Variants in PHF20 observed in about 807,000 individuals in gnomAD.
PHF20 encodes the protein PHD finger protein 20, also known as glioma-expressed antigen 2.
In PHF20, 23 loss-of-function variants were observed where a neutral mutation model predicts 113.5. The ratio of observed to expected loss-of-function variants is 0.20; its 90% CI spans 0.15 to 0.29. PHF20 has a LOEUF of 0.29. Among genes scored for constraint, PHF20 ranks in the 10% least tolerant of loss-of-function variants. The pLI, the probability that PHF20 is intolerant of heterozygous loss-of-function variation, is 1.00. For missense variants in PHF20, 943 were observed against 1,219.6 expected, an observed-to-expected ratio of 0.77 and a Z score of 3.38; for synonymous variants, 434 against 457.3, an observed-to-expected ratio of 0.95 and a Z score of 0.65.
intron 17 of PHF20, among the ~76,000 whole-genome samples, chr20:35,946,085 C>T (rs1457396915): frequency 2.6e-5 from 4 of 152,064 alleles, no homozygotes; most frequent in Middle Eastern, 3.2e-3. Flanking sequence ...GCAGGAGAAT[C>T]GCCTGTACCC....
At chr20:35,856,953 C>G (rs2042839354) in intron 4 of PHF20, among the ~76,000 whole-genome samples, 1 of 151,936 alleles carries the variant, frequency 6.6e-6, no homozygotes. Flanking sequence ...ATTTGGTACC[C>G]GTGATTAGCC....
At chr20:35,807,060 G>T (rs1169097569) in intron 2 of PHF20, among the ~76,000 whole-genome samples, 3 of 152,178 alleles carry the variant, frequency 2.0e-5, no homozygotes, top group Non-Finnish European at 4.4e-5. Context: ...CTCCCAAAGT[G>T]CTGGGATTAC....
rs780852616 is a variant in PHF20, at chr20:35,852,914, C to CT, written c.341-5375dup. 4.8e-3 allele frequency among the ~76,000 whole-genome samples: 678 copies of CT among 141,778 alleles called. 3 individuals carry two copies. Among genetic ancestry groups the CT allele is most frequent in the Middle Eastern group, 0.022 (6 of 268 alleles). The allele number at this position is 141,778 out of a possible 152,430, so 93.0% of individuals were successfully genotyped here. On this transcript the variant is annotated intron_variant, in intron 4 of 17. Coordinates refer to ENST00000374012, the MANE Select transcript of PHF20 (RefSeq NM_016436.5). ...GCCCGACCTGACTAATCTTTTTTTC[C>CT]TTTTTTTTTTTTTCTAAAAAGGGCC...
chr20:35,812,717 A>C (rs931753789), intron 2 of PHF20, among the ~76,000 whole-genome samples: 1 of 152,096 alleles, frequency 6.6e-6, no homozygotes, highest in Admixed American at 6.6e-5. Context: ...TCACTTGGAT[A>C]AGGTAATGAC....
chr20:35,808,530 C>A (rs768242852), intron 2 of PHF20, among the ~76,000 whole-genome samples: 1 of 150,852 alleles, frequency 6.6e-6, no homozygotes, highest in Non-Finnish European at 1.5e-5. Context: ...ATCTAATTAA[C>A]TGGCCATGCG....
At position 35,936,844 on chromosome 20, in the gene PHF20, GT is replaced by G. The variant is rs371300535; in HGVS notation, c.2301-1850del. 1.0e-3 allele frequency among the ~76,000 whole-genome samples: 158 copies of G among 152,290 alleles called. 2 individuals carry two copies. Among genetic ancestry groups the G allele is most frequent in the Middle Eastern group, 0.01 (3 of 294 alleles). Reference sequence around the variant, plus strand: ...TCACTTAATTGTTATGAAACTCAGTGTTTGATGGTGTTGGCAAAAAGAGTCA... The same window carrying G: ...TCACTTAATTGTTATGAAACTCAGTGTTGATGGTGTTGGCAAAAAGAGTCA... On this transcript the variant is annotated intron_variant, in intron 15 of 17. Coordinates refer to ENST00000374012, the MANE Select transcript of PHF20 (RefSeq NM_016436.5).
At chr20:35,868,612 A>AAG (rs144718763) in intron 6 of PHF20, among the ~76,000 whole-genome samples, 17 of 151,336 alleles carry the variant, frequency 1.1e-4, no homozygotes, top group African/African-American at 3.9e-4. Flanking sequence ...TCTCAAAAAA[A>AAG]CAAGCAAGCA....
At position 35,948,935 on chromosome 20, in the gene PHF20, A is replaced by G. The variant is rs934857440; in HGVS notation, c.*1308A>G. ...ATGTTATATGCTGCAAACATTTACT[A>G]TGTAAACGTGAAGTAGCCAATAATA... On this transcript the variant is annotated 3_prime_UTR_variant, in exon 18 of 18. Transcript: ENST00000374012. The G allele has an allele frequency of 7.9e-5, 12 of 152,682 alleles. No homozygotes were observed. The highest frequency in any genetic ancestry group is 2.9e-4 in the African/African-American group (12 of 41,454). 9.5% of individuals were successfully genotyped at this position (152,682 alleles called of 1,614,324 possible). A position where few individuals can be genotyped will look rare whatever the true frequency, so the allele number is the denominator to read the frequency against.
In PHF20 at chr20:35,792,349, G is replaced by A. The variant is rs536082004; in HGVS notation, c.-32-9142G>A. 6.7e-4 allele frequency among the ~76,000 whole-genome samples: 93 copies of A among 137,870 alleles called. 1 individual carries two copies. Among genetic ancestry groups the A allele is most frequent in the Non-Finnish European group, 1.2e-3 (78 of 63,764 alleles). The allele number at this position is 137,870 out of a possible 152,430, so 90.4% of individuals were successfully genotyped here. On this transcript the variant is annotated intron_variant, in intron 1 of 17. Coordinates refer to ENST00000374012, the MANE Select transcript of PHF20 (RefSeq NM_016436.5). ...ATTACAGGCACCTGCCACCACGCCC[G>A]GCTAATTTTTTGTATTTTTAGTAGA...
At chr20:35,934,557 G>A (rs990780149) in intron 15 of PHF20, among the ~76,000 whole-genome samples, 1 of 152,204 alleles carries the variant, frequency 6.6e-6, no homozygotes, top group East Asian at 1.9e-4. Flanking sequence ...CATTCTCTTG[G>A]GATACCCCCC....
intron 1 of PHF20, among the ~76,000 whole-genome samples, chr20:35,794,396 C>G (rs2041627059): frequency 6.6e-6 from 1 of 152,096 alleles, no homozygotes; most frequent in South Asian, 2.1e-4. Flanking sequence ...GTCCGGGTGC[C>G]TTGTCCTCCC....
intron 2 of PHF20, among the ~76,000 whole-genome samples, chr20:35,833,884 C>T (rs1413449567): frequency 7.2e-5 from 11 of 151,896 alleles, no homozygotes; most frequent in African/African-American, 2.4e-5. Flanking sequence ...ATGGTGAAAC[C>T]CCGTCTCTAC....
chr20:35,811,884 C>T (rs2041984492), intron 2 of PHF20, among the ~76,000 whole-genome samples: 1 of 152,210 alleles, frequency 6.6e-6, no homozygotes, highest in Non-Finnish European at 1.5e-5. Flanking sequence ...CATTCTCCTG[C>T]CTCAGCCTCC....
At chr20:35,822,497 T>C (rs946209418) in intron 2 of PHF20, among the ~76,000 whole-genome samples, 2 of 151,678 alleles carry the variant, frequency 1.3e-5, no homozygotes, top group Admixed American at 1.3e-4. Flanking sequence ...AAATAGACTA[T>C]ATTTTAGAGC....
chr20:35,917,166 A>T (rs2055418735), intron 12 of PHF20: 4 of 419,384 alleles, frequency 9.5e-6, no homozygotes, highest in South Asian at 2.0e-5. Flanking sequence ...GTTGTCAGGG[A>T]TGGTGGCCTG....
chr20:35,777,204 T>C (rs1444051492), intron 1 of PHF20, among the ~76,000 whole-genome samples: 2 of 152,208 alleles, frequency 1.3e-5, no homozygotes, highest in African/African-American at 4.8e-5. Context: ...GTACCTTATA[T>C]ACCCCGTATT....
chr20:35,784,059 T>G lies in PHF20; in HGVS notation c.-33+11980T>G, dbSNP rs536289766. Among the ~76,000 whole-genome samples, 8 of 147,996 alleles carry G rather than the reference T, an allele frequency of 5.4e-5. No individual in the cohort carries two copies. In the East Asian group the frequency reaches 5.9e-4, roughly 11 times the overall value. ...CCCGCCCTTACGTTTGTTTGTGTGT[T>G]TTTTTTTTTTTTGAGACAGTGTATC... On this transcript the variant is annotated intron_variant, in intron 1 of 17. Transcript: ENST00000374012.
chr20:35,904,043 T>C (rs966082514), intron 10 of PHF20, among the ~76,000 whole-genome samples: 9 of 142,118 alleles, frequency 6.3e-5, no homozygotes, highest in Non-Finnish European at 1.2e-4. Flanking sequence ...ACCTCAGGCT[T>C]CTGAGAATGC....
intron 1 of PHF20, among the ~76,000 whole-genome samples, chr20:35,791,610 A>G: frequency 6.6e-6 from 1 of 150,592 alleles, no homozygotes; most frequent in African/African-American, 2.4e-5. Flanking sequence ...TTTGTCATAA[A>G]ATAACCACTG....
Sources: allele counts gnomAD v4.1 joint callset (sites outside exome capture counted in the v4.1 genomes callset), GRCh38; gene constraint gnomAD v4.1.1; transcripts MANE v1.5; gene names NCBI Gene and HGNC (gene_info 2026-07-23, HGNC 2026-07-21).